Variants in LINGO2 observed in about 807,000 individuals in gnomAD.
LINGO2 encodes leucine rich repeat and Ig domain containing 2.
In LINGO2, 14 loss-of-function variants were observed where a neutral mutation model predicts 30.6. The observed-to-expected ratio is 0.46, with a 90% CI of 0.30 to 0.72. LINGO2 has a LOEUF of 0.72. LINGO2 is among the 30% of genes least tolerant of loss of function. LINGO2 has a pLI of 0.07. For synonymous variants in LINGO2, 317 were observed against 288.5 expected, an observed-to-expected ratio of 1.10 and a Z score of -1.00; for missense variants, 729 against 751.7, an observed-to-expected ratio of 0.97 and a Z score of 0.35.
At chr9:28,083,459 T>C (rs912208831) in intron 4 of LINGO2, among the ~76,000 whole-genome samples, 1 of 152,156 alleles carries the variant, frequency 6.6e-6, no homozygotes, top group Non-Finnish European at 1.5e-5. Context: ...CCTCCCCCAA[T>C]AGGTTGACTA....
At chr9:28,739,371 T>C in the LINGO2 span, among the ~76,000 whole-genome samples, 13 of 151,992 alleles carry the variant, frequency 8.6e-5, no homozygotes, top group African/African-American at 3.1e-4. Flanking sequence ...GACATGATTG[T>C]CTAATGGAAA....
At chr9:28,080,040 T>C (rs937578067) in intron 4 of LINGO2, among the ~76,000 whole-genome samples, 2 of 152,224 alleles carry the variant, frequency 1.3e-5, no homozygotes, top group Non-Finnish European at 2.9e-5. Context: ...TAACTCTTGA[T>C]AACAACCCAG....
At chr9:28,575,589 T>C (rs983434584) in intron 1 of LINGO2, among the ~76,000 whole-genome samples, 3 of 151,918 alleles carry the variant, frequency 2.0e-5, no homozygotes, top group African/African-American at 7.3e-5. Flanking sequence ...AACTTTTGTA[T>C]ACTATGCCCG....
intron 2 of LINGO2, among the ~76,000 whole-genome samples, chr9:28,409,837 CTG>C (rs1323846151): frequency 6.8e-6 from 1 of 146,750 alleles, no homozygotes; most frequent in Non-Finnish European, 1.5e-5. Flanking sequence ...ACTAATCAAA[CTG>C]AGGCTAAAGG....
At chr9:28,988,551 G>A in the LINGO2 span, among the ~76,000 whole-genome samples, 1 of 152,230 alleles carries the variant, frequency 6.6e-6, no homozygotes. Context: ...TGATATGTAA[G>A]GCTGTAATAC....
At chr9:27,978,487 A>G (rs1346149850) in intron 5 of LINGO2, among the ~76,000 whole-genome samples, 2 of 152,022 alleles carry the variant, frequency 1.3e-5, no homozygotes, top group Non-Finnish European at 2.9e-5. Context: ...GTGCCCTTAT[A>G]AAAGGGACCC....
chr9:28,084,902 G>C (rs1825867659), intron 4 of LINGO2, among the ~76,000 whole-genome samples: 1 of 152,126 alleles, frequency 6.6e-6, no homozygotes, highest in South Asian at 2.1e-4. Flanking sequence ...CTTGGAGAAG[G>C]AAAGTATGAG....
chr9:29,079,366 C>T, the LINGO2 span, among the ~76,000 whole-genome samples: 1 of 152,036 alleles, frequency 6.6e-6, no homozygotes, highest in East Asian at 1.9e-4. Context: ...TGAGAACTCA[C>T]ATATCAAAGG....
chr9:28,916,480 T>C, the LINGO2 span, among the ~76,000 whole-genome samples: 856 of 150,984 alleles, frequency 5.7e-3, 12 homozygotes, highest in African/African-American at 0.02. Flanking sequence ...AAACCTCTTA[T>C]CTTAGTCCAA....
chr9:28,191,975 C>A (rs1268645733), intron 4 of LINGO2, among the ~76,000 whole-genome samples: 1 of 152,022 alleles, frequency 6.6e-6, no homozygotes, highest in Non-Finnish European at 1.5e-5. Context: ...TGTCGACTCC[C>A]AGATGTTTAT....
chr9:28,004,551 C>A (rs1822162255), intron 5 of LINGO2, among the ~76,000 whole-genome samples: 1 of 152,072 alleles, frequency 6.6e-6, no homozygotes, highest in African/African-American at 2.4e-5. Context: ...TATCAATTAA[C>A]TGCGTTGATG....
At chr9:28,724,726 C>T in the LINGO2 span, among the ~76,000 whole-genome samples, 4 of 152,076 alleles carry the variant, frequency 2.6e-5, no homozygotes. Flanking sequence ...GGGAAAAGCC[C>T]ACAAAGAGAA....
the LINGO2 span, among the ~76,000 whole-genome samples, chr9:29,148,609 C>G: frequency 1.3e-5 from 2 of 152,078 alleles, no homozygotes; most frequent in African/African-American, 4.8e-5. Flanking sequence ...TTGGACTATT[C>G]CTTACATTTC....
At chr9:28,354,104 T>G (rs1253959238) in intron 3 of LINGO2, among the ~76,000 whole-genome samples, 1 of 152,072 alleles carries the variant, frequency 6.6e-6, no homozygotes, top group Non-Finnish European at 1.5e-5. Context: ...TATACATATG[T>G]AACTAACCTG....
the LINGO2 span, among the ~76,000 whole-genome samples, chr9:29,056,853 C>T: frequency 6.6e-6 from 1 of 151,980 alleles, no homozygotes; most frequent in Non-Finnish European, 1.5e-5. Flanking sequence ...GTGTTTTTTC[C>T]TCACTTTACA....
chr9:28,892,822 T>G, the LINGO2 span, among the ~76,000 whole-genome samples: 485 of 152,130 alleles, frequency 3.2e-3, 2 homozygotes, highest in African/African-American at 0.011. Flanking sequence ...AGAAATAGTG[T>G]TATGCTAGTG....
the LINGO2 span, among the ~76,000 whole-genome samples, chr9:28,705,382 T>C: frequency 1.3e-5 from 2 of 152,138 alleles, no homozygotes; most frequent in Admixed American, 1.3e-4. Flanking sequence ...GCCCCTGGAC[T>C]GTGGACTTCA....
At chr9:28,003,344 TAGATAGATAG>T (rs1407772606) in intron 5 of LINGO2, among the ~76,000 whole-genome samples, 2 of 103,510 alleles carry the variant, frequency 1.9e-5, no homozygotes, top group African/African-American at 8.4e-5. Context: ...TATAGATATA[TAGATAGATAG>T]ATAGATAGAT....
intron 2 of LINGO2, among the ~76,000 whole-genome samples, chr9:28,464,447 G>C (rs1007800541): frequency 4.6e-5 from 7 of 152,106 alleles, no homozygotes; most frequent in African/African-American, 1.7e-4. Context: ...TTCGTTTGCT[G>C]TACATGGCTG....
Sources: allele counts gnomAD v4.1 joint callset (sites outside exome capture counted in the v4.1 genomes callset), GRCh38; gene constraint gnomAD v4.1.1; transcripts MANE v1.5; gene names NCBI Gene and HGNC (gene_info 2026-07-23, HGNC 2026-07-21).